Variants in SNN observed in about 807,000 individuals in gnomAD.
The protein encoded by SNN is AG8_1.
SNN carries 5 observed loss-of-function variants against 5.3 expected under a neutral mutation model. The ratio of observed to expected loss-of-function variants is 0.94; its 90% CI spans 0.49 to 1.97. The LOEUF (loss-of-function observed/expected upper bound fraction) is 1.97. Ranked by LOEUF, SNN falls within the 30% of genes most tolerant of loss-of-function variation. The pLI is 0.01. For synonymous variants in SNN, 67 were observed against 52.1 expected, an observed-to-expected ratio of 1.29 and a Z score of -1.24; for missense variants, 127 against 121.6, an observed-to-expected ratio of 1.04 and a Z score of -0.21.
In SNN at chr16:11,674,808, C is replaced by T. The variant is rs8191314; in HGVS notation, c.-85-1167C>T. 3.2e-4 allele frequency among the ~76,000 whole-genome samples: 49 copies of T among 152,334 alleles called. No homozygotes were observed. In the East Asian group the frequency reaches 8.9e-3, roughly 28 times the overall value. ...ACCGCCTCCCTGCCTCCCACCTGCC[C>T]ACCCAGGTTAGCATCTTGGCACCTG... On this transcript the variant is annotated intron_variant, in intron 1 of 1. Coordinates refer to ENST00000329565, the MANE Select transcript of SNN (RefSeq NM_003498.6).
In SNN at chr16:11,676,268, C is replaced by T. The variant is rs749905260; in HGVS notation, c.209C>T (p.Pro70Leu). 9.9e-6 allele frequency: 16 copies of T among 1,614,138 alleles called. No homozygotes were observed. Among genetic ancestry groups the T allele is most frequent in the African/African-American group, 1.3e-5 (1 of 75,034 alleles). Residue 70 changes from proline (P) to leucine (L), a missense_variant, in exon 2 of 2, where the codon CCG becomes CTG. Physicochemically the swap from Pro to Leu is moderately conservative, Grantham distance 98. Transcript: ENST00000329565. ...CTGGTGCAGTATTCGGCCAAGGGAC[C>T]GTGCGTGGAGAGAAAGGCCAAGCTG... ...FLLVQYSAKGPCVERKAKLMT... is the reference protein window; with the variant it reads ...FLLVQYSAKGLCVERKAKLMT...
chr16:11,670,178 T>C (rs1597387744), intron 1 of SNN, among the ~76,000 whole-genome samples: 1 of 151,818 alleles, frequency 6.6e-6, no homozygotes, highest in Admixed American at 6.5e-5. Context: ...TGACCCGGGG[T>C]TCGCTGAAGA....
intron 1 of SNN, among the ~76,000 whole-genome samples, chr16:11,670,357 T>A (rs1026090569): frequency 2.6e-5 from 4 of 152,108 alleles, no homozygotes; most frequent in African/African-American, 9.7e-5. Context: ...AGCCCGGCAA[T>A]GCTCATGATG....
At chr16:11,675,825 G>A in intron 1 of SNN, 150 bp from the exon 2 acceptor site, 1 of 488,260 alleles carries the variant, frequency 2.0e-6, no homozygotes, top group Non-Finnish European at 3.7e-6. Context: ...ATGAACAGGA[G>A]CTGGGTGAGC....
At chr16:11,669,348 G>A (rs2050251274) in intron 1 of SNN, among the ~76,000 whole-genome samples, 1 of 152,254 alleles carries the variant, frequency 6.6e-6, no homozygotes, top group South Asian at 2.1e-4. Context: ...CCCCAGCGAG[G>A]GCCACACTGG....
intron 1 of SNN, among the ~76,000 whole-genome samples, chr16:11,669,049 G>T (rs1347621064): frequency 6.6e-6 from 1 of 152,150 alleles, no homozygotes; most frequent in Non-Finnish European, 1.5e-5. Context: ...TAGCTCCCCT[G>T]GTCCCCGTCC....
At chr16:11,670,334 T>G (rs1355202028) in intron 1 of SNN, among the ~76,000 whole-genome samples, 1 of 151,944 alleles carries the variant, frequency 6.6e-6, no homozygotes, top group African/African-American at 2.4e-5. Context: ...GCGGGGGTGT[T>G]TTGCTGGTGG....
At position 11,676,497 on chromosome 16, in the gene SNN, C is replaced by A; in HGVS notation, c.*171C>A. 1 of 824,192 alleles carries A rather than the reference C, an allele frequency of 1.2e-6. No homozygotes were observed. Among genetic ancestry groups the A allele is most frequent in the Non-Finnish European group, 1.9e-6 (1 of 528,906 alleles). The allele number at this position is 824,192 out of a possible 1,614,324, so 51.1% of individuals were successfully genotyped here. On this transcript the variant is annotated 3_prime_UTR_variant, in exon 2 of 2. Coordinates refer to ENST00000329565, the MANE Select transcript of SNN (RefSeq NM_003498.6). Reference sequence around the variant, plus strand: ...TGCCCGGGGACCTGGCTGTCCTGGGCTTCCCCTCGGCCTCCAGGTGAGGCT... The same window carrying A: ...TGCCCGGGGACCTGGCTGTCCTGGGATTCCCCTCGGCCTCCAGGTGAGGCT...
chr16:11,676,479 G>C lies in SNN; in HGVS notation c.*153G>C. On this transcript the variant is annotated 3_prime_UTR_variant, in exon 2 of 2. Coordinates refer to ENST00000329565, the MANE Select transcript of SNN (RefSeq NM_003498.6). ...CGTCATCGCATGCACTGATGCCCGG[G>C]GACCTGGCTGTCCTGGGCTTCCCCT... 3.1e-6 allele frequency: 3 copies of C among 955,474 alleles called. No homozygotes were observed. Among genetic ancestry groups the C allele is most frequent in the Non-Finnish European group, 4.6e-6 (3 of 647,172 alleles). 59.2% of individuals were successfully genotyped at this position (955,474 alleles called of 1,614,324 possible). A position where few individuals can be genotyped will look rare whatever the true frequency, so the allele number is the denominator to read the frequency against.
At position 11,676,268 on chromosome 16, in the gene SNN, C is replaced by G. The variant is rs749905260; in HGVS notation, c.209C>G (p.Pro70Arg). The G allele has an allele frequency of 1.2e-6, 2 of 1,614,138 alleles. No individual in the cohort carries two copies. Among genetic ancestry groups the G allele is most frequent in the African/African-American group, 1.3e-5 (1 of 75,034 alleles). The stretch of plus-strand genomic sequence containing the variant: ...CTGGTGCAGTATTCGGCCAAGGGAC[C>G]GTGCGTGGAGAGAAAGGCCAAGCTG... ...FLLVQYSAKG[P>R]CVERKAKLMT... is the part of the protein sequence containing the mutation. The change falls in exon 2 of 2, where the codon CCG (proline) becomes CGG (arginine). Residue 70 changes from proline (P) to arginine (R), a missense_variant. By Grantham distance (103) the Pro-to-Arg change is moderately radical (BLOSUM62 -2). Transcript: ENST00000329565.
rs1382099144 is a variant in SNN at position 11,669,321 on chromosome 16, C to G, written c.-86+781C>G. ...CACCCCTAAGTCCCCAGCACCCAGC[C>G]CAGGTCGCCCAGCCCGCCCCAGCGA... is the stretch of plus-strand genomic sequence containing the variant. On this transcript the variant is annotated intron_variant, in intron 1 of 1. Coordinates refer to ENST00000329565, the MANE Select transcript of SNN (RefSeq NM_003498.6). Among the ~76,000 whole-genome samples the G allele has an allele frequency of 2.0e-5, 3 of 152,246 alleles. No homozygotes were observed. In the East Asian group the frequency reaches 5.8e-4, roughly 29 times the overall value.
rs57442730 is a variant in SNN, at chr16:11,671,507, G to A, written c.-86+2967G>A. On this transcript the variant is annotated intron_variant, in intron 1 of 1. Transcript: ENST00000329565. This position sits in a 1 kb window ranked among gnomAD's most constrained non-coding sequence, Gnocchi z 4.7. Reference sequence around the variant, plus strand: ...CTGGCTTTTTGCTTCACCTCCCTGCGTGCGCCTCAGTTTCCTCACCTGCCA... The same window carrying A: ...CTGGCTTTTTGCTTCACCTCCCTGCATGCGCCTCAGTTTCCTCACCTGCCA... Among the ~76,000 whole-genome samples, 1,481 of 152,168 alleles carry A rather than the reference G, an allele frequency of 9.7e-3. 29 individuals carry two copies. Among genetic ancestry groups the A allele is most frequent in the African/African-American group, 0.034 (1,400 of 41,522 alleles).
chr16:11,669,139 G>A (rs764251355), intron 1 of SNN, among the ~76,000 whole-genome samples: 1 of 152,206 alleles, frequency 6.6e-6, no homozygotes, highest in South Asian at 2.1e-4. Flanking sequence ...CCTGGGCCGA[G>A]CCCCCTCCTC....
rs1427248519 is a variant in SNN, at chr16:11,677,633, C to A, written c.*1307C>A. ...GTGGCTCTCTGGTGAGCTAGTGTCTCCACAGCCTGTCTCCAAGGCCTCCCC... is the reference window on the plus strand; with the variant it reads ...GTGGCTCTCTGGTGAGCTAGTGTCTACACAGCCTGTCTCCAAGGCCTCCCC... On this transcript the variant is annotated 3_prime_UTR_variant, in exon 2 of 2. Transcript: ENST00000329565. This position sits in a 1 kb window ranked among gnomAD's most constrained non-coding sequence, Gnocchi z 4.2. The A allele has an allele frequency of 6.0e-6, 1 of 167,048 alleles. No homozygotes were observed. Among genetic ancestry groups the A allele is most frequent in the East Asian group, 1.9e-4 (1 of 5,210 alleles). The allele number at this position is 167,048 out of a possible 1,614,324, so 10.3% of individuals were successfully genotyped here.
In SNN at chr16:11,670,080, T is replaced by G. The variant is rs1347001765; in HGVS notation, c.-86+1540T>G. 2.6e-5 allele frequency among the ~76,000 whole-genome samples: 4 copies of G among 152,204 alleles called. No individual in the cohort carries two copies. In the East Asian group the frequency reaches 7.7e-4, roughly 29 times the overall value. ...CCCAGGGCAGAACGGACGTCCCGCC[T>G]CGTCCTGGCTGTGTCCAGCAGTGCC... On this transcript the variant is annotated intron_variant, in intron 1 of 1. Transcript: ENST00000329565.
In SNN at chr16:11,679,051, C is replaced by A; in HGVS notation, c.*2725C>A. Reference sequence around the variant, plus strand: ...AATAAGTGGAAGGGATGTCATCCTTCTTCAATAAATGCTGAATGACATTCA... The same window carrying A: ...AATAAGTGGAAGGGATGTCATCCTTATTCAATAAATGCTGAATGACATTCA... On this transcript the variant is annotated 3_prime_UTR_variant, in exon 2 of 2. Coordinates refer to ENST00000329565, the MANE Select transcript of SNN (RefSeq NM_003498.6). The surrounding 1 kb of genome is among the most constrained non-coding windows in gnomAD (Gnocchi z 4.6). 1 of 894,686 alleles carries A rather than the reference C, an allele frequency of 1.1e-6. No individual in the cohort carries two copies. Among genetic ancestry groups the A allele is most frequent in the East Asian group, 2.7e-5 (1 of 37,388 alleles). 55.4% of individuals were successfully genotyped at this position (894,686 alleles called of 1,614,324 possible). A position where few individuals can be genotyped will look rare whatever the true frequency, so the allele number is the denominator to read the frequency against.
In SNN at chr16:11,676,319, A is replaced by G. The variant is rs2141941766; in HGVS notation, c.260A>G (p.His87Arg). The change falls in exon 2 of 2, where the codon CAC becomes CGC. Residue 87 changes from histidine (H) to arginine (R), a missense_variant. Coordinates refer to ENST00000329565, the MANE Select transcript of SNN (RefSeq NM_003498.6). ...ATGACTCCCAACGGCCCGGAAGTCC[A>G]CGGCTGAGCCAGGATGCAAGGCTCC... ...KLMTPNGPEVHG is the reference protein window; with the variant it reads ...KLMTPNGPEVRG 1 of 1,611,828 alleles carries G rather than the reference A, an allele frequency of 6.2e-7. No individual in the cohort carries two copies. The highest frequency in any genetic ancestry group is 8.5e-7 in the Non-Finnish European group (1 of 1,178,140).
At chr16:11,675,242 TTTTTC>T (rs1166918889) in intron 1 of SNN, among the ~76,000 whole-genome samples, 12 of 150,418 alleles carry the variant, frequency 8.0e-5, no homozygotes, top group African/African-American at 2.9e-4. Flanking sequence ...TTGTCATTTC[TTTTTC>T]TTTTTTTTTT....
chr16:11,676,296 G>A lies in SNN; in HGVS notation c.237G>A (p.Met79Ile). Residue 79 changes from methionine (M) to isoleucine (I), a missense_variant, in exon 2 of 2, where the codon ATG (methionine) becomes ATA (isoleucine). Met to Ile is a conservative substitution (Grantham distance 10, BLOSUM62 1). Coordinates refer to ENST00000329565, the MANE Select transcript of SNN (RefSeq NM_003498.6). ...GCGTGGAGAGAAAGGCCAAGCTGATGACTCCCAACGGCCCGGAAGTCCACG... is the reference window on the plus strand; with the variant it reads ...GCGTGGAGAGAAAGGCCAAGCTGATAACTCCCAACGGCCCGGAAGTCCACG... ...GPCVERKAKLMTPNGPEVHG is the reference protein window; with the variant it reads ...GPCVERKAKLITPNGPEVHG 1 of 1,614,052 alleles carries A rather than the reference G, an allele frequency of 6.2e-7. No individual in the cohort carries two copies. The highest frequency in any genetic ancestry group is 1.7e-5 in the Admixed American group (1 of 60,014).
Sources: allele counts gnomAD v4.1 joint callset (sites outside exome capture counted in the v4.1 genomes callset), GRCh38; gene constraint gnomAD v4.1.1; non-coding constraint Gnocchi (gnomAD v3.1); transcripts MANE v1.5; gene names NCBI Gene and HGNC (gene_info 2026-07-23, HGNC 2026-07-21).